The following TTC28 variants were observed in gnomAD, a reference collection of about 807,000 sequenced individuals.
TTC28 encodes tetratricopeptide repeat protein 28.
A neutral mutation model predicts 198.0 loss-of-function variants in TTC28; 61 were observed. That is an observed-to-expected ratio of 0.31 (90% CI 0.25 to 0.38). The LOEUF (loss-of-function observed/expected upper bound fraction) is 0.38, where lower values mean the gene tolerates loss of function less well. Among genes scored for constraint, TTC28 ranks in the 10% least tolerant of loss-of-function variants. The pLI is 1.00. For synonymous variants in TTC28, 1,171 were observed against 1,297.8 expected, an observed-to-expected ratio of 0.90 and a Z score of 2.10; for missense variants, 2,678 against 3,164.0, an observed-to-expected ratio of 0.85 and a Z score of 3.69.
At chr22:28,411,627 T>C (rs2047082453) in intron 2 of TTC28, among the ~76,000 whole-genome samples, 1 of 152,194 alleles carries the variant, frequency 6.6e-6, no homozygotes, top group African/African-American at 2.4e-5. Flanking sequence ...AAGTACTGGT[T>C]TCACAGCAAC....
chr22:28,632,526 T>C (rs1033369077), intron 1 of TTC28, among the ~76,000 whole-genome samples: 1 of 151,952 alleles, frequency 6.6e-6, no homozygotes, highest in Admixed American at 6.6e-5. Context: ...TGAAAGTAAA[T>C]GGACTATGTA....
chr22:28,273,466 A>G (rs930533159), intron 5 of TTC28, among the ~76,000 whole-genome samples: 1 of 152,152 alleles, frequency 6.6e-6, no homozygotes, highest in Admixed American at 6.5e-5. Context: ...AAAATTAACA[A>G]TGTGATATAT....
intron 2 of TTC28, among the ~76,000 whole-genome samples, chr22:28,472,954 G>C (rs2048117631): frequency 6.6e-6 from 1 of 152,126 alleles, no homozygotes; most frequent in Non-Finnish European, 1.5e-5. Flanking sequence ...AATGGCTTTA[G>C]ACTTCTCAAT....
intron 6 of TTC28, among the ~76,000 whole-genome samples, chr22:28,133,745 A>C (rs983871264): frequency 6.6e-6 from 1 of 152,208 alleles, no homozygotes; most frequent in African/African-American, 2.4e-5. Context: ...ACCATAGCTC[A>C]AGGAGGCCTG....
At chr22:28,088,880 A>C (rs1315170539) in intron 12 of TTC28, among the ~76,000 whole-genome samples, 7 of 152,260 alleles carry the variant, frequency 4.6e-5, no homozygotes, top group Non-Finnish European at 8.8e-5. Context: ...TCTCAGAAGA[A>C]GACATTTATG....
intron 5 of TTC28, among the ~76,000 whole-genome samples, chr22:28,204,487 T>C (rs1199325320): frequency 6.6e-6 from 1 of 152,156 alleles, no homozygotes; most frequent in Non-Finnish European, 1.5e-5. Context: ...ACATTTTCCA[T>C]ATTGCACTGG....
intron 5 of TTC28, among the ~76,000 whole-genome samples, chr22:28,264,894 C>A (rs1281543482): frequency 1.3e-5 from 2 of 152,128 alleles, no homozygotes; most frequent in Admixed American, 1.3e-4. Context: ...CCGAATGATT[C>A]CTTATTTTCC....
intron 2 of TTC28, among the ~76,000 whole-genome samples, chr22:28,452,473 CTTAA>C (rs2047797142): frequency 7.1e-6 from 1 of 140,902 alleles, no homozygotes; most frequent in African/African-American, 2.6e-5. Context: ...TGGGTCTTTT[CTTAA>C]TCCTCGAGGA....
intron 5 of TTC28, among the ~76,000 whole-genome samples, chr22:28,204,858 G>T (rs1304937374): frequency 6.6e-6 from 1 of 152,062 alleles, no homozygotes; most frequent in African/African-American, 2.4e-5. Context: ...TTCATTCAAA[G>T]AAAATTAAAT....
chr22:28,390,917 T>G (rs1268875244), intron 2 of TTC28, among the ~76,000 whole-genome samples: 2 of 152,230 alleles, frequency 1.3e-5, no homozygotes, highest in Admixed American at 1.3e-4. Flanking sequence ...GCTGGTTAGT[T>G]GATGCAGTTT....
intron 2 of TTC28, among the ~76,000 whole-genome samples, chr22:28,587,686 A>AT (rs1428695496): frequency 2.0e-5 from 3 of 151,702 alleles, no homozygotes; most frequent in African/African-American, 7.3e-5. Flanking sequence ...ACCTCAAGTG[A>AT]TCCCCCCACC....
At chr22:28,203,355 T>C (rs1476628890) in intron 5 of TTC28, among the ~76,000 whole-genome samples, 1 of 152,182 alleles carries the variant, frequency 6.6e-6, no homozygotes, top group Non-Finnish European at 1.5e-5. Context: ...AAATGTTAAC[T>C]ATTATTTGTC....
chr22:28,313,211 C>T (rs571682741), intron 2 of TTC28, among the ~76,000 whole-genome samples: 1 of 152,268 alleles, frequency 6.6e-6, no homozygotes, highest in South Asian at 2.1e-4. Flanking sequence ...GAAATTGAGG[C>T]AATAACTAAT....
chr22:28,419,574 GA>G (rs1424787381), intron 2 of TTC28, among the ~76,000 whole-genome samples: 18 of 152,188 alleles, frequency 1.2e-4, no homozygotes, highest in Admixed American at 1.1e-3. Flanking sequence ...ACAAACTGCT[GA>G]TTTAGAACTC....
Position 28,068,188 on chromosome 22 carries a change from G to A in TTC28, c.3932+25892C>T, listed in dbSNP as rs905389367. Among the ~76,000 whole-genome samples the A allele has an allele frequency of 4.6e-5, 7 of 152,106 alleles. 2 individuals are homozygous for A. Among genetic ancestry groups the A allele is most frequent in the Non-Finnish European group, 2.9e-5 (2 of 68,028 alleles). ...AAGAGCTTATCCACAGTAAATGCTC[G>A]CCCCTTAAGAGAGATAAAAGGCTTG... On this transcript the variant is annotated intron_variant, in intron 12 of 22. Transcript: ENST00000397906.
chr22:28,651,728 C>A (rs1415108740), intron 1 of TTC28, among the ~76,000 whole-genome samples: 1 of 149,874 alleles, frequency 6.7e-6, no homozygotes, highest in Non-Finnish European at 1.5e-5. Flanking sequence ...ACCCTCCTGA[C>A]CTCTCTTAAA....
chr22:28,594,640 T>C (rs562588328), intron 2 of TTC28, among the ~76,000 whole-genome samples: 201 of 150,926 alleles, frequency 1.3e-3, no homozygotes, highest in Non-Finnish European at 2.3e-3. Flanking sequence ...TATAATATAG[T>C]ATAAAGCGAG....
At chr22:28,335,287 G>A (rs897201677) in intron 2 of TTC28, among the ~76,000 whole-genome samples, 11 of 152,136 alleles carry the variant, frequency 7.2e-5, no homozygotes, top group East Asian at 1.9e-4. Context: ...GTCAGGTACC[G>A]TGATGCCTCC....
chr22:28,091,791 A>G (rs894400624), intron 12 of TTC28, among the ~76,000 whole-genome samples: 2 of 152,248 alleles, frequency 1.3e-5, no homozygotes, highest in Non-Finnish European at 2.9e-5. Context: ...CACAGAACTG[A>G]AAAAGAGTAA....
Sources: allele counts gnomAD v4.1 joint callset (sites outside exome capture counted in the v4.1 genomes callset), GRCh38; gene constraint gnomAD v4.1.1; transcripts MANE v1.5; gene names NCBI Gene and HGNC (gene_info 2026-07-23, HGNC 2026-07-21).